BABAM2: variants seen among roughly 807,000 people sequenced by gnomAD.
BABAM2 encodes the protein BRISC and BRCA1-A complex member 2.
Under a neutral mutation model 54.7 loss-of-function variants are expected in BABAM2, and 31 were observed. That is an observed-to-expected ratio of 0.57 (90% CI 0.43 to 0.77). The LOEUF is 0.77. Ranked by LOEUF, BABAM2 falls within the 30% of genes least tolerant of loss-of-function variation. The pLI, the probability that BABAM2 is intolerant of heterozygous loss-of-function variation, is 0.00. For synonymous variants in BABAM2, 167 were observed against 162.9 expected (o/e 1.03, Z -0.19); for missense variants, 364 against 455.8 (o/e 0.80, Z 1.83).
intron 4 of BABAM2, among the ~76,000 whole-genome samples, chr2:27,999,922 G>A (rs1010171484): frequency 6.6e-6 from 1 of 152,070 alleles, no homozygotes; most frequent in African/African-American, 2.4e-5. Flanking sequence ...CTTGCTTTGT[G>A]TGCTTTTGGT....
Position 28,026,833 on chromosome 2 carries a change from A to ATTT in BABAM2, c.495+1413_495+1414insTTT, listed in dbSNP as rs1675749371. Among the ~76,000 whole-genome samples, 2 of 38,194 alleles carry ATTT rather than the reference A, an allele frequency of 5.2e-5. 1 individual carries two copies. The highest frequency in any genetic ancestry group is 2.3e-4 in the African/African-American group (2 of 8,852). 25.1% of individuals were successfully genotyped at this position (38,194 alleles called of 152,430 possible). ...ATATAAATATATATTTATATATATA[A>ATTT]ATATATATAAATATATATTTATATA... On this transcript the variant is annotated intron_variant, in intron 5 of 11. Coordinates refer to ENST00000379624, the MANE Select transcript of BABAM2 (RefSeq NM_199191.3).
chr2:28,074,979 A>T (rs2148663762), intron 6 of BABAM2, among the ~76,000 whole-genome samples: 1 of 152,304 alleles, frequency 6.6e-6, no homozygotes, highest in Admixed American at 6.5e-5. Flanking sequence ...ATATAGACCA[A>T]GAAAAAGGAG....
chr2:28,132,080 T>C (rs1226449492), intron 7 of BABAM2, among the ~76,000 whole-genome samples: 4 of 152,048 alleles, frequency 2.6e-5, no homozygotes, highest in African/African-American at 4.8e-5. Flanking sequence ...AAAGTCATTT[T>C]TCCAATCTCC....
chr2:28,109,921 T>G (rs1171432907), intron 6 of BABAM2, among the ~76,000 whole-genome samples: 2 of 152,190 alleles, frequency 1.3e-5, no homozygotes, highest in African/African-American at 4.8e-5. Flanking sequence ...TAGTTACAGT[T>G]CAGTGATATT....
chr2:28,145,145 T>C (rs529128467), intron 7 of BABAM2, among the ~76,000 whole-genome samples: 15 of 152,346 alleles, frequency 9.8e-5, no homozygotes, highest in African/African-American at 3.6e-4. Flanking sequence ...TCACTGATCT[T>C]TCCAGTGTGG....
chr2:28,325,189 T>C lies in BABAM2; in HGVS notation c.1089-13261T>C, dbSNP rs17006685. Reference sequence around the variant, plus strand: ...TTACACCATGTGTGGATATCATTCATCCACGTTGCATATATGCCCTTCCTT... The same window carrying C: ...TTACACCATGTGTGGATATCATTCACCCACGTTGCATATATGCCCTTCCTT... On this transcript the variant is annotated intron_variant, in intron 11 of 11. Coordinates refer to ENST00000379624, the MANE Select transcript of BABAM2 (RefSeq NM_199191.3). The surrounding 1 kb of genome is among the most constrained non-coding windows in gnomAD (Gnocchi z 4.3). Among the ~76,000 whole-genome samples, 2,014 of 152,350 alleles carry C rather than the reference T, an allele frequency of 0.013. 28 individuals are homozygous for C. The highest frequency in any genetic ancestry group is 0.044 in the South Asian group (212 of 4,824).
intron 6 of BABAM2, among the ~76,000 whole-genome samples, chr2:28,112,276 T>C (rs893163452): frequency 6.7e-6 from 1 of 148,344 alleles, no homozygotes; most frequent in African/African-American, 2.5e-5. Flanking sequence ...GTTACATAGG[T>C]ATACATGTGC....
intron 10 of BABAM2, among the ~76,000 whole-genome samples, chr2:28,277,258 A>C (rs1270424080): frequency 6.6e-6 from 1 of 152,060 alleles, no homozygotes; most frequent in Non-Finnish European, 1.5e-5. Flanking sequence ...GGTGCCCGCC[A>C]CCACACCTAG....
intron 3 of BABAM2, among the ~76,000 whole-genome samples, chr2:27,942,775 T>C (rs2148386700): frequency 1.3e-5 from 2 of 148,168 alleles, no homozygotes; most frequent in South Asian, 4.3e-4. Flanking sequence ...ACTGTTTTAC[T>C]TATTCTTTCT....
rs555802149 is a variant in BABAM2 at position 28,125,901 on chromosome 2, C to T, written c.571-3370C>T. 4.6e-5 allele frequency among the ~76,000 whole-genome samples: 7 copies of T among 152,144 alleles called. No individual in the cohort carries two copies. In the South Asian group the frequency reaches 6.2e-4, roughly 14 times the overall value. ...GCTATTTAAAAAGCAGTTGATAGAG[C>T]GATATGATTCCTTTAGGGAAAACAA... is the stretch of plus-strand genomic sequence containing the variant. On this transcript the variant is annotated intron_variant, in intron 6 of 11. Coordinates refer to ENST00000379624, the MANE Select transcript of BABAM2 (RefSeq NM_199191.3).
intron 6 of BABAM2, among the ~76,000 whole-genome samples, chr2:28,107,289 A>G (rs1467266912): frequency 1.5e-4 from 23 of 152,186 alleles, no homozygotes; most frequent in Non-Finnish European, 1.5e-5. Context: ...TCTTGAATCC[A>G]GCCTTCCAAA....
intron 10 of BABAM2, among the ~76,000 whole-genome samples, chr2:28,249,347 C>T (rs961490480): frequency 6.6e-6 from 1 of 152,034 alleles, no homozygotes. Context: ...CCTAGGCCTC[C>T]CAAAGTGCTG....
At chr2:28,286,436 C>A (rs1010012640) in intron 10 of BABAM2, among the ~76,000 whole-genome samples, 4 of 152,276 alleles carry the variant, frequency 2.6e-5, no homozygotes, top group East Asian at 3.9e-4. Context: ...GTGTTCAGAG[C>A]ACTCCACAGT....
At chr2:27,917,462 A>G (rs1667064935) in intron 2 of BABAM2, among the ~76,000 whole-genome samples, 1 of 152,102 alleles carries the variant, frequency 6.6e-6, no homozygotes, top group African/African-American at 2.4e-5. Flanking sequence ...GCTCTGGTAG[A>G]TTGTGTCTGG....
At chr2:28,321,183 G>A (rs1264703636) in intron 11 of BABAM2, among the ~76,000 whole-genome samples, 1 of 152,026 alleles carries the variant, frequency 6.6e-6, no homozygotes. Context: ...AGGAAACCAA[G>A]GCTTGAGTTC....
chr2:28,031,887 A>C (rs544602657), intron 5 of BABAM2, among the ~76,000 whole-genome samples: 1 of 152,198 alleles, frequency 6.6e-6, no homozygotes, highest in Admixed American at 6.5e-5. Flanking sequence ...AATTGTAAGC[A>C]TATATTCAAC....
intron 7 of BABAM2, among the ~76,000 whole-genome samples, chr2:28,153,638 G>T (rs1283878850): frequency 6.6e-6 from 1 of 152,196 alleles, no homozygotes; most frequent in Non-Finnish European, 1.5e-5. Flanking sequence ...TGCTTCTCAA[G>T]AATGTTGTCA....
At chr2:28,239,804 C>A (rs959077167) in intron 8 of BABAM2, among the ~76,000 whole-genome samples, 1 of 152,168 alleles carries the variant, frequency 6.6e-6, no homozygotes, top group African/African-American at 2.4e-5. Flanking sequence ...AATACTAAAA[C>A]CATTAGGTGA....
chr2:27,912,616 G>C (rs1029332554), intron 2 of BABAM2, among the ~76,000 whole-genome samples: 2 of 152,116 alleles, frequency 1.3e-5, no homozygotes, highest in African/African-American at 4.8e-5. Flanking sequence ...TACTTTAGAT[G>C]ATCTCTTTAG....
Sources: gnomAD v4.1 joint callset for allele counts (sites outside exome capture counted in the v4.1 genomes callset) on GRCh38, gnomAD v4.1.1 for gene constraint, Gnocchi (gnomAD v3.1) non-coding constraint, MANE v1.5 for transcripts, NCBI Gene and HGNC (gene_info 2026-07-23, HGNC 2026-07-21) for gene names.